HP1BP3: variants seen among roughly 807,000 people sequenced by gnomAD.
The protein encoded by HP1BP3 is heterochromatin protein 1-binding protein 3.
In HP1BP3, 12 loss-of-function variants were observed where a neutral mutation model predicts 62.5. The ratio of observed to expected loss-of-function variants is 0.19; its 90% CI spans 0.12 to 0.31. The LOEUF (loss-of-function observed/expected upper bound fraction) is 0.31. Among genes scored for constraint, HP1BP3 ranks in the 10% least tolerant of loss-of-function variants. HP1BP3 has a pLI of 1.00. For missense variants in HP1BP3, 502 were observed against 651.8 expected (o/e 0.77, Z 2.50); for synonymous variants, 260 against 237.8 (o/e 1.09, Z -0.86).
At chr1:20,783,663 G>C (rs970186005) in intron 1 of HP1BP3, among the ~76,000 whole-genome samples, 8 of 149,272 alleles carry the variant, frequency 5.4e-5, no homozygotes, top group African/African-American at 1.7e-4. Flanking sequence ...CCAGCTACTC[G>C]GGAGGCTCAG....
intron 8 of HP1BP3, among the ~76,000 whole-genome samples, chr1:20,760,505 T>C (rs2056403783): frequency 6.6e-6 from 1 of 151,456 alleles, no homozygotes; most frequent in Non-Finnish European, 1.5e-5. Flanking sequence ...CTTGCCACTA[T>C]ACTCCAGTCT....
At chr1:20,769,836 G>A (rs1027269376) in intron 6 of HP1BP3, among the ~76,000 whole-genome samples, 10 of 152,184 alleles carry the variant, frequency 6.6e-5, no homozygotes, top group Admixed American at 5.2e-4. Flanking sequence ...GAGACAAGAC[G>A]TATCTGTGCA....
At chr1:20,756,964 C>T (rs2154540072) in intron 9 of HP1BP3, among the ~76,000 whole-genome samples, 1 of 152,300 alleles carries the variant, frequency 6.6e-6, no homozygotes, top group Non-Finnish European at 1.5e-5. Context: ...CCTGCCTTAG[C>T]CTCCCAAAGT....
At chr1:20,770,003 C>T (rs913198155) in intron 6 of HP1BP3, among the ~76,000 whole-genome samples, 1 of 152,118 alleles carries the variant, frequency 6.6e-6, no homozygotes, top group African/African-American at 2.4e-5. Context: ...TACCGTAAGA[C>T]CTTAGCAGTT....
chr1:20,768,602 G>A (rs1017664550), intron 6 of HP1BP3, among the ~76,000 whole-genome samples: 5 of 152,148 alleles, frequency 3.3e-5, no homozygotes, highest in South Asian at 2.1e-4. Context: ...CATTTTGGAA[G>A]GCCGAGGTGG....
Position 20,744,585 on chromosome 1 carries a change from G to A in HP1BP3, c.*212C>T. The A allele has an allele frequency of 3.7e-6, 2 of 545,634 alleles. No individual in the cohort carries two copies. The highest frequency in any genetic ancestry group is 6.4e-6 in the Non-Finnish European group (2 of 311,388). 33.8% of individuals were successfully genotyped at this position (545,634 alleles called of 1,614,324 possible). A position where few individuals can be genotyped will look rare whatever the true frequency, so the allele number is the denominator to read the frequency against. Reference sequence around the variant, plus strand: ...TTTAGGAAAGTCCAGGATTATTGCAGAAATTAAAATGAACAAGGAAAAGGG... The same window carrying A: ...TTTAGGAAAGTCCAGGATTATTGCAAAAATTAAAATGAACAAGGAAAAGGG... On this transcript the variant is annotated 3_prime_UTR_variant, in exon 13 of 13. Coordinates refer to ENST00000438032, the MANE Select transcript of HP1BP3 (RefSeq NM_001372052.1).
rs192110199 is a variant in HP1BP3, at chr1:20,767,983, C to G, written c.655-319G>C. On this transcript the variant is annotated intron_variant, in intron 6 of 12. Transcript: ENST00000438032. ...AAACTTTCAAAATGAAATAAAAAATCAAAACAAAAATGTCCCAAAAAAGGA... is the reference window on the plus strand; with the variant it reads ...AAACTTTCAAAATGAAATAAAAAATGAAAACAAAAATGTCCCAAAAAAGGA... Among the ~76,000 whole-genome samples the G allele has an allele frequency of 4.0e-3, 602 of 151,716 alleles. 4 individuals carry two copies. Among genetic ancestry groups the G allele is most frequent in the Non-Finnish European group, 6.6e-3 (449 of 67,940 alleles).
chr1:20,781,297 A>G (rs1007898277), intron 1 of HP1BP3, among the ~76,000 whole-genome samples: 1 of 152,232 alleles, frequency 6.6e-6, no homozygotes, highest in Non-Finnish European at 1.5e-5. Context: ...TTAAGTATCT[A>G]GATCTCTGTG....
At chr1:20,777,379 C>G (rs1347435128) in intron 3 of HP1BP3, among the ~76,000 whole-genome samples, 8 of 152,060 alleles carry the variant, frequency 5.3e-5, no homozygotes, top group Non-Finnish European at 1.2e-4. Context: ...AGAATTTGAT[C>G]ATTTAAATTA....
chr1:20,757,430 G>A (rs1345330025), intron 8 of HP1BP3, among the ~76,000 whole-genome samples, 174 bp from the exon 9 acceptor site: 1 of 149,822 alleles, frequency 6.7e-6, no homozygotes, highest in Non-Finnish European at 1.5e-5. Context: ...GGAGTGCAAT[G>A]GCACGATATT....
chr1:20,745,295 C>A (rs1470406037), intron 12 of HP1BP3, among the ~76,000 whole-genome samples: 1 of 152,144 alleles, frequency 6.6e-6, no homozygotes, highest in Non-Finnish European at 1.5e-5. Flanking sequence ...AATTTCATGA[C>A]GTTGTTCCTA....
chr1:20,764,954 A>G (rs1424110174), intron 8 of HP1BP3, among the ~76,000 whole-genome samples: 1 of 151,894 alleles, frequency 6.6e-6, no homozygotes, highest in Non-Finnish European at 1.5e-5. Flanking sequence ...GGATCACTTG[A>G]GTTCAAGAGT....
chr1:20,766,887 G>A (rs953012084), intron 7 of HP1BP3, among the ~76,000 whole-genome samples: 2 of 152,048 alleles, frequency 1.3e-5, no homozygotes, highest in African/African-American at 4.8e-5. Flanking sequence ...AGGTTGCAGT[G>A]AGCCAAGATC....
intron 6 of HP1BP3, among the ~76,000 whole-genome samples, chr1:20,767,965 C>A (rs1474377996): frequency 3.9e-5 from 6 of 152,010 alleles, no homozygotes. Context: ...TAAAAACTTT[C>A]AAAATGAAAT....
intron 8 of HP1BP3, among the ~76,000 whole-genome samples, chr1:20,760,689 T>C (rs529203843): frequency 3.9e-5 from 6 of 151,966 alleles, no homozygotes; most frequent in Admixed American, 3.9e-4. Context: ...ATACAAAAAT[T>C]ACCCGGGTGT....
chr1:20,767,985 A>G (rs2056869437), intron 6 of HP1BP3, among the ~76,000 whole-genome samples: 1 of 151,570 alleles, frequency 6.6e-6, no homozygotes, highest in East Asian at 1.9e-4. Context: ...TAAAAAATCA[A>G]AACAAAAATG....
At chr1:20,779,764 T>A in intron 3 of HP1BP3, 48 bp downstream of exon 3, 1 of 1,236,432 alleles carries the variant, frequency 8.1e-7, no homozygotes, top group Non-Finnish European at 1.2e-6. Flanking sequence ...CACTCCAAAT[T>A]GCAGTATAAC....
rs74601383 is a variant in HP1BP3 at position 20,779,632 on chromosome 1, A to C, written c.196+180T>G. ...ACCTTTATAGAGAAGATGAAACCTT[A>C]CTTTGCCCTCATGGTCTGGCAATGA... On this transcript the variant is annotated intron_variant, in intron 3 of 12. Coordinates refer to ENST00000438032, the MANE Select transcript of HP1BP3 (RefSeq NM_001372052.1). Among the ~76,000 whole-genome samples the C allele has an allele frequency of 1.1e-4, 17 of 150,996 alleles. No homozygotes were observed. In the East Asian group the frequency reaches 3.3e-3, roughly 29 times the overall value.
At chr1:20,780,258 G>A in intron 2 of HP1BP3, 87 bp downstream of exon 2, 2 of 920,748 alleles carry the variant, frequency 2.2e-6, no homozygotes, top group South Asian at 1.3e-5. Flanking sequence ...CAAAGTAAGG[G>A]AAGGAACATG....
Sources: gnomAD v4.1 joint callset for allele counts (sites outside exome capture counted in the v4.1 genomes callset) on GRCh38, gnomAD v4.1.1 for gene constraint, MANE v1.5 for transcripts, NCBI Gene and HGNC (gene_info 2026-07-23, HGNC 2026-07-21) for gene names.